Variants in EIF3D observed in about 807,000 individuals in gnomAD.
EIF3D encodes the protein eIF3 p66.
A neutral mutation model predicts 75.4 loss-of-function variants in EIF3D; 10 were observed. The observed-to-expected ratio is 0.13, with a 90% CI of 0.08 to 0.22. EIF3D has a LOEUF of 0.22. Among genes scored for constraint, EIF3D ranks in the 10% least tolerant of loss-of-function variants. The probability of loss-of-function intolerance (pLI) is 1.00; values close to 1 mark genes in which losing one functional copy is unlikely to be tolerated. For synonymous variants in EIF3D, 246 were observed against 248.3 expected (o/e 0.99, Z 0.09); for missense variants, 394 against 708.0 (o/e 0.56, Z 5.03).
intron 1 of EIF3D, 139 bp from the exon 2 acceptor site, chr22:36,526,270 GACT>G (rs1466236282): frequency 1.2e-6 from 1 of 844,098 alleles, no homozygotes; most frequent in Non-Finnish European, 1.7e-6. Flanking sequence ...ACTGTTGAGC[GACT>G]ACTACTGTTT....
intron 13 of EIF3D, among the ~76,000 whole-genome samples, 158 bp downstream of exon 13, chr22:36,512,302 T>C (rs1396700726): frequency 2.0e-5 from 3 of 152,224 alleles, no homozygotes; most frequent in Non-Finnish European, 4.4e-5. Flanking sequence ...GCCTGCTGTT[T>C]GGCATTTGTC....
chr22:36,520,317 C>T (rs990077316), intron 7 of EIF3D, among the ~76,000 whole-genome samples: 4 of 152,050 alleles, frequency 2.6e-5, no homozygotes, highest in East Asian at 1.9e-4. Context: ...CCACCACACC[C>T]GGCTAAGTTT....
At chr22:36,523,132 T>A in intron 6 of EIF3D, 77 bp downstream of exon 6, 1 of 1,149,442 alleles carries the variant, frequency 8.7e-7, no homozygotes, top group Non-Finnish European at 1.3e-6. Context: ...GAAGTATATC[T>A]CATCTAAGCT....
chr22:36,520,449 A>G (rs1934495255), intron 7 of EIF3D, 127 bp downstream of exon 7: 7 of 624,176 alleles, frequency 1.1e-5, no homozygotes, highest in Non-Finnish European at 1.9e-5. Context: ...TGTTAACCTT[A>G]TGAAATGTGT....
At chr22:36,512,782 A>C in intron 12 of EIF3D, 180 bp from the exon 13 acceptor site, 1 of 662,038 alleles carries the variant, frequency 1.5e-6, no homozygotes, top group Non-Finnish European at 2.5e-6. Context: ...CCTGCCGCAC[A>C]GCAGTCACTC....
At chr22:36,518,607 C>T (rs1014516084) in intron 9 of EIF3D, among the ~76,000 whole-genome samples, 156 bp downstream of exon 9, 3 of 148,120 alleles carry the variant, frequency 2.0e-5, no homozygotes, top group African/African-American at 5.1e-5. Context: ...GTCTCTTCTC[C>T]TAACCTCTAA....
chr22:36,520,811 T>C (rs993993898), intron 6 of EIF3D, 123 bp from the exon 7 acceptor site: 4 of 614,526 alleles, frequency 6.5e-6, no homozygotes, highest in Non-Finnish European at 8.4e-6. Context: ...TCCCAGCACT[T>C]TGGGAAGCTG....
At chr22:36,519,759 A>T (rs1450304247) in intron 7 of EIF3D, among the ~76,000 whole-genome samples, 2 of 152,110 alleles carry the variant, frequency 1.3e-5, no homozygotes, top group Admixed American at 1.3e-4. Flanking sequence ...CAACGCCCCC[A>T]TTTTAAAGGT....
Position 36,516,584 on chromosome 22 carries a change from T to C in EIF3D, c.1100A>G (p.Asp367Gly). The C allele has an allele frequency of 6.2e-7, 1 of 1,614,090 alleles. No individual in the cohort carries two copies. The highest frequency in any genetic ancestry group is 1.1e-5 in the South Asian group (1 of 91,082). Residue 367 changes from aspartate (D) to glycine (G), a missense_variant, in exon 12 of 15, where the codon GAT becomes GGT. By Grantham distance (94) the Asp-to-Gly change is moderately conservative. Coordinates refer to ENST00000216190, the MANE Select transcript of EIF3D (RefSeq NM_003753.4). ...AYRYRRWKLG[D>G]DIDLIVRCEH... ...ACAACGGACAATAAGGTCAATATCA[T>C]CTCCAAGCTTCCACCTGCGGTAACT...
chr22:36,516,411 C>A (rs138516680), intron 12 of EIF3D, 67 bp downstream of exon 12: 1 of 1,555,434 alleles, frequency 6.4e-7, no homozygotes, highest in Non-Finnish European at 8.8e-7. Flanking sequence ...ACCTAGCCTG[C>A]GTAAACAGGC....
At position 36,524,680 on chromosome 22, in the gene EIF3D, C is replaced by T. The variant is rs925049388; in HGVS notation, c.222G>A (p.Glu74=). 4 of 1,614,108 alleles carry T rather than the reference C, an allele frequency of 2.5e-6. No homozygotes were observed. The African/African-American group carries it at 5.3e-5, about 22-fold the overall frequency. Residue 74 remains glutamate, a synonymous_variant, in exon 4 of 15, where the codon GAG becomes GAA. Coordinates refer to ENST00000216190, the MANE Select transcript of EIF3D (RefSeq NM_003753.4). ...GGGSQYAYFH[E]EDESSFQLVD... is the part of the protein sequence containing the mutation. ...CCAGCTGGAAGCTACTTTCATCCTCCTCATGGAAATAAGCATATTGACTTC... is the reference window on the plus strand; with the variant it reads ...CCAGCTGGAAGCTACTTTCATCCTCTTCATGGAAATAAGCATATTGACTTC...
chr22:36,518,117 A>T (rs1196226542), intron 9 of EIF3D, among the ~76,000 whole-genome samples: 1 of 152,110 alleles, frequency 6.6e-6, no homozygotes, highest in Non-Finnish European at 1.5e-5. Context: ...TATGGTATAA[A>T]AAATATATAT....
rs1013313985 is a variant in EIF3D, at chr22:36,512,474, C to T, written c.1335G>A (p.Glu445=). Residue 445 remains glutamate (E), a synonymous_variant, in exon 13 of 15, where the codon GAG becomes GAA. Coordinates refer to ENST00000216190, the MANE Select transcript of EIF3D (RefSeq NM_003753.4). ...AGGAATCTCACCCAAGCTTGAGGTA[C>T]TCAGATCCAGCCAGCAAAGCACAGC... ...WTCCALLAGS[E]YLKLGYVSRY... is the part of the protein sequence containing the mutation. 1.2e-6 allele frequency: 2 copies of T among 1,614,108 alleles called. No individual in the cohort carries two copies. The highest frequency in any genetic ancestry group is 2.7e-5 in the African/African-American group (2 of 74,938).
At chr22:36,515,784 G>A (rs1386584412) in intron 12 of EIF3D, among the ~76,000 whole-genome samples, 8 of 151,854 alleles carry the variant, frequency 5.3e-5, no homozygotes, top group Non-Finnish European at 5.9e-5. Flanking sequence ...AACGACACAG[G>A]CACGACGGCC....
intron 6 of EIF3D, among the ~76,000 whole-genome samples, chr22:36,522,663 G>C (rs946974510): frequency 6.6e-6 from 1 of 151,176 alleles, no homozygotes; most frequent in East Asian, 1.9e-4. Context: ...GCTACTGGGG[G>C]TGCTGGTGTT....
At chr22:36,523,509 T>G (rs1934548567) in intron 5 of EIF3D, among the ~76,000 whole-genome samples, 1 of 152,188 alleles carries the variant, frequency 6.6e-6, no homozygotes, top group Non-Finnish European at 1.5e-5. Context: ...TCATCTATAG[T>G]GACTGTTCAC....
At chr22:36,528,370 GC>G (rs1485327011) in intron 1 of EIF3D, among the ~76,000 whole-genome samples, 1 of 151,658 alleles carries the variant, frequency 6.6e-6, no homozygotes, top group Non-Finnish European at 1.5e-5. Flanking sequence ...GGCTCGACCT[GC>G]ATCACCTCCC....
At position 36,519,540 on chromosome 22, in the gene EIF3D, G is replaced by A. The variant is rs1262627467; in HGVS notation, c.579-3C>T. On this transcript the variant is annotated splice_region_variant and splice_polypyrimidine_tract_variant and intron_variant, in intron 7 of 14. Coordinates refer to ENST00000216190, the MANE Select transcript of EIF3D (RefSeq NM_003753.4). ...ATTCTAGGGCCCCACAACACTCACT[G>A]TGGGAAGAGCAGGCAAAGACATGCA... 8 of 1,614,024 alleles carry A rather than the reference G, an allele frequency of 5.0e-6. No homozygotes were observed. The African/African-American group carries it at 1.1e-4, about 22-fold the overall frequency.
chr22:36,517,397 G>A lies in EIF3D; in HGVS notation c.894C>T (p.Pro298=), dbSNP rs749191712. ...LLTVSETANE[P]PQDEGNSFNS... ...TGAAGGAATTACCTTCATCTTGAGG[G>A]GGCTCATTGGCAGTCTCACTCACTG... Residue 298 remains proline (P), a synonymous_variant, in exon 10 of 15, where the codon CCC becomes CCT. Transcript: ENST00000216190. 1 of 1,613,224 alleles carries A rather than the reference G, an allele frequency of 6.2e-7. No individual in the cohort carries two copies. Among genetic ancestry groups the A allele is most frequent in the South Asian group, 1.1e-5 (1 of 90,924 alleles).
Sources: allele counts gnomAD v4.1 joint callset (sites outside exome capture counted in the v4.1 genomes callset), GRCh38; gene constraint gnomAD v4.1.1; transcripts MANE v1.5; gene names NCBI Gene and HGNC (gene_info 2026-07-23, HGNC 2026-07-21).